EPHA6: variants seen among roughly 807,000 people sequenced by gnomAD.
The protein encoded by EPHA6 is ephrin type-A receptor 6.
A neutral mutation model predicts 112.0 loss-of-function variants in EPHA6; 50 were observed. The ratio of observed to expected loss-of-function variants is 0.45; its 90% CI spans 0.36 to 0.56. EPHA6 has a LOEUF of 0.56. Among genes scored for constraint, EPHA6 ranks in the 20% least tolerant of loss-of-function variants. EPHA6 has a pLI of 0.00. For synonymous variants in EPHA6, 529 were observed against 490.7 expected, an observed-to-expected ratio of 1.08 and a Z score of -1.03; for missense variants, 1,280 against 1,417.4, an observed-to-expected ratio of 0.90 and a Z score of 1.56.
rs772760262 is a variant in EPHA6, at chr3:97,638,132, T to C, written c.2784+50T>C. On this transcript the variant is annotated intron_variant, in intron 14 of 17. Coordinates refer to ENST00000389672, the MANE Select transcript of EPHA6 (RefSeq NM_001080448.3). ...TATAGTCTGTTTACTTTTATTGTTT[T>C]TAATGTCATTAGAGTAATTCTGTTT... The C allele has an allele frequency of 2.1e-5, 29 of 1,354,578 alleles. No individual in the cohort carries two copies. The Admixed American group carries it at 5.6e-4, about 26-fold the overall frequency. The allele number at this position is 1,354,578 out of a possible 1,614,324, so 83.9% of individuals were successfully genotyped here. A position where few individuals can be genotyped will look rare whatever the true frequency, so the allele number is the denominator to read the frequency against.
chr3:96,945,585 A>G (rs2041212721), intron 2 of EPHA6, among the ~76,000 whole-genome samples: 3 of 152,218 alleles, frequency 2.0e-5, no homozygotes, highest in Admixed American at 6.5e-5. Context: ...CTCATCTGTA[A>G]AATAACTCGA....
chr3:97,114,780 A>G (rs748891292), intron 3 of EPHA6, among the ~76,000 whole-genome samples: 7 of 152,088 alleles, frequency 4.6e-5, no homozygotes, highest in Non-Finnish European at 8.8e-5. Context: ...AGGGACAAAG[A>G]TGAATAAGTT....
intron 2 of EPHA6, among the ~76,000 whole-genome samples, chr3:96,913,992 G>T (rs894875659): frequency 2.0e-5 from 3 of 152,108 alleles, no homozygotes; most frequent in Non-Finnish European, 2.9e-5. Context: ...AAAGTTTGTA[G>T]TGGAGATATG....
intron 6 of EPHA6, among the ~76,000 whole-genome samples, chr3:97,417,209 AT>A (rs1559978594): frequency 6.6e-6 from 1 of 152,154 alleles, no homozygotes; most frequent in Non-Finnish European, 1.5e-5. Context: ...ACAAAAGAGA[AT>A]TGCAAGTGAC....
chr3:97,649,888 G>A (rs181578367), intron 14 of EPHA6, among the ~76,000 whole-genome samples: 17 of 152,060 alleles, frequency 1.1e-4, no homozygotes, highest in Admixed American at 3.9e-4. Flanking sequence ...AAATCGATGC[G>A]CTAATACTAG....
At chr3:97,223,103 G>C (rs900076187) in intron 3 of EPHA6, among the ~76,000 whole-genome samples, 2 of 152,182 alleles carry the variant, frequency 1.3e-5, no homozygotes, top group African/African-American at 4.8e-5. Context: ...AATTAAAGGA[G>C]ATCTTTGGCA....
In EPHA6 at chr3:96,904,885, T is replaced by A. The variant is rs147227002; in HGVS notation, c.450+37996T>A. On this transcript the variant is annotated intron_variant, in intron 2 of 17. Transcript: ENST00000389672. ...ATAAATTAAAACTATATTTCACCTG[T>A]CAAATTAAAATTGTAAACGGACAAC... is the stretch of plus-strand genomic sequence containing the variant. 6.5e-3 allele frequency among the ~76,000 whole-genome samples: 997 copies of A among 152,242 alleles called. 8 individuals carry two copies. The highest frequency in any genetic ancestry group is 0.01 in the Middle Eastern group (3 of 294).
At chr3:97,385,876 G>T (rs1207686421) in intron 5 of EPHA6, among the ~76,000 whole-genome samples, 5 of 152,074 alleles carry the variant, frequency 3.3e-5, no homozygotes, top group Middle Eastern at 3.2e-3. Context: ...GAGAACTCGT[G>T]CACTATCACA....
intron 14 of EPHA6, among the ~76,000 whole-genome samples, chr3:97,692,742 C>T (rs373089376): frequency 6.0e-4 from 91 of 152,324 alleles, no homozygotes; most frequent in African/African-American, 2.0e-3. Flanking sequence ...TTCATACTCA[C>T]ATCACTGTGG....
At chr3:97,734,050 T>C (rs1239208325) in intron 15 of EPHA6, among the ~76,000 whole-genome samples, 1 of 152,080 alleles carries the variant, frequency 6.6e-6, no homozygotes, top group Non-Finnish European at 1.5e-5. Flanking sequence ...CCTCTGAGTC[T>C]AAATTGTCTC....
intron 5 of EPHA6, among the ~76,000 whole-genome samples, chr3:97,261,348 C>T (rs2108619473): frequency 6.6e-6 from 1 of 152,280 alleles, no homozygotes; most frequent in East Asian, 1.9e-4. Context: ...GAGTCAGATA[C>T]ACCATATCTC....
At chr3:97,120,642 C>A (rs2048016446) in intron 3 of EPHA6, among the ~76,000 whole-genome samples, 1 of 151,758 alleles carries the variant, frequency 6.6e-6, no homozygotes, top group Non-Finnish European at 1.5e-5. Context: ...ATTCCTATTT[C>A]TTTTATGTTT....
At chr3:97,457,960 A>T (rs982270067) in intron 7 of EPHA6, among the ~76,000 whole-genome samples, 2 of 142,922 alleles carry the variant, frequency 1.4e-5, no homozygotes, top group Non-Finnish European at 3.0e-5. Context: ...CCCAGCTACT[A>T]GGGAGGCTGA....
chr3:97,441,034 T>A (rs1010440148), intron 6 of EPHA6, among the ~76,000 whole-genome samples: 4 of 152,038 alleles, frequency 2.6e-5, no homozygotes, highest in African/African-American at 9.7e-5. Context: ...TCCATTTCAA[T>A]TAAGTTTTCA....
At chr3:97,324,419 TTCTTTCTTTC>T (rs1299979034) in intron 5 of EPHA6, among the ~76,000 whole-genome samples, 1 of 140,136 alleles carries the variant, frequency 7.1e-6, no homozygotes, top group Non-Finnish European at 1.5e-5. Flanking sequence ...CTTTCTTTCT[TTCTTTCTTTC>T]TTTCTTTCTT....
In EPHA6 at chr3:97,186,414, G is replaced by A. The variant is rs184423040; in HGVS notation, c.1115-39850G>A. ...ATTTGTTAAAACTAATCTATTCCAT[G>A]TACCAGTATCCAAACTCTTGATCTT... On this transcript the variant is annotated intron_variant, in intron 3 of 17. Coordinates refer to ENST00000389672, the MANE Select transcript of EPHA6 (RefSeq NM_001080448.3). 8.5e-4 allele frequency among the ~76,000 whole-genome samples: 130 copies of A among 152,110 alleles called. 1 individual carries two copies. Among genetic ancestry groups the A allele is most frequent in the African/African-American group, 2.9e-3 (119 of 41,516 alleles).
At chr3:96,856,791 A>G (rs2035725766) in intron 1 of EPHA6, among the ~76,000 whole-genome samples, 1 of 152,118 alleles carries the variant, frequency 6.6e-6, no homozygotes, top group African/African-American at 2.4e-5. Context: ...AGAAATCTTT[A>G]TCTGTAATTT....
chr3:97,729,563 G>A (rs8179897), intron 15 of EPHA6, among the ~76,000 whole-genome samples: 31,849 of 151,952 alleles, frequency 0.21, 3,681 homozygotes, highest in East Asian at 0.38. Flanking sequence ...CCTGCCACTG[G>A]GTTCCTCCCA....
At chr3:96,978,763 G>A (rs913026419) in intron 2 of EPHA6, among the ~76,000 whole-genome samples, 2 of 151,916 alleles carry the variant, frequency 1.3e-5, no homozygotes, top group Admixed American at 6.6e-5. Context: ...TAACATTTCC[G>A]ATTACCTGTG....
Sources: gnomAD v4.1 joint callset for allele counts (sites outside exome capture counted in the v4.1 genomes callset) on GRCh38, gnomAD v4.1.1 for gene constraint, MANE v1.5 for transcripts, NCBI Gene and HGNC (gene_info 2026-07-23, HGNC 2026-07-21) for gene names.